Variants in EFR3A observed in about 807,000 individuals in gnomAD.
EFR3A encodes EFR3 homolog A.
In EFR3A, 76 loss-of-function variants were observed where a neutral mutation model predicts 104.4. That is an observed-to-expected ratio of 0.73 (90% CI 0.60 to 0.88). The LOEUF (loss-of-function observed/expected upper bound fraction) is 0.88. EFR3A is among the 40% of genes least tolerant of loss of function. EFR3A has a pLI of 0.00. For missense variants in EFR3A, 985 were observed against 1,012.5 expected (o/e 0.97, Z 0.37); for synonymous variants, 330 against 330.0 (o/e 1.00, Z 0.00).
At chr8:131,935,298 G>A (rs2130523904) in intron 1 of EFR3A, among the ~76,000 whole-genome samples, 1 of 152,248 alleles carries the variant, frequency 6.6e-6, no homozygotes, top group African/African-American at 2.4e-5. Flanking sequence ...TTAGGAAAAA[G>A]CATTTTTATA....
chr8:131,987,456 G>GT (rs1266647883), intron 17 of EFR3A, 119 bp from the exon 18 acceptor site: 1 of 1,162,138 alleles, frequency 8.6e-7, no homozygotes, highest in Non-Finnish European at 1.2e-6. Flanking sequence ...TGCTACTACA[G>GT]TTTACATTGT....
chr8:131,967,887 T>C (rs1819834622), intron 8 of EFR3A, among the ~76,000 whole-genome samples: 2 of 127,200 alleles, frequency 1.6e-5, no homozygotes. Flanking sequence ...TGTCATAATT[T>C]ATGTTTTTTA....
At chr8:131,965,452 A>G (rs1423567872) in intron 8 of EFR3A, among the ~76,000 whole-genome samples, 1 of 152,268 alleles carries the variant, frequency 6.6e-6, no homozygotes, top group African/African-American at 2.4e-5. Context: ...CAAAAGACAC[A>G]TGAGATAATG....
At chr8:131,909,444 G>C (rs1335439561) in intron 1 of EFR3A, among the ~76,000 whole-genome samples, 2 of 152,130 alleles carry the variant, frequency 1.3e-5, no homozygotes, top group African/African-American at 2.4e-5. Flanking sequence ...CTACTTGGAG[G>C]CTGAGGCAGG....
At chr8:131,914,824 A>G (rs1422111124) in intron 1 of EFR3A, among the ~76,000 whole-genome samples, 3 of 151,940 alleles carry the variant, frequency 2.0e-5, no homozygotes, top group South Asian at 2.1e-4. Flanking sequence ...TCCACCCTCA[A>G]GTGGGCCCCA....
In EFR3A at chr8:131,979,316, C is replaced by A. The variant is rs903312124; in HGVS notation, c.1500-30C>A. ...TGATATTGTAAATAAGTGTGCTATT[C>A]ATTAAAAATGATATATTGATCGTCT... is the stretch of plus-strand genomic sequence containing the variant. On this transcript the variant is annotated intron_variant, in intron 13 of 22. Coordinates refer to ENST00000254624, the MANE Select transcript of EFR3A (RefSeq NM_015137.6). 2.1e-6 allele frequency: 3 copies of A among 1,422,356 alleles called. No homozygotes were observed. The Admixed American group carries it at 6.3e-5, about 30-fold the overall frequency. The allele number at this position is 1,422,356 out of a possible 1,614,324, so 88.1% of individuals were successfully genotyped here. A position where few individuals can be genotyped will look rare whatever the true frequency, so the allele number is the denominator to read the frequency against.
intron 1 of EFR3A, among the ~76,000 whole-genome samples, chr8:131,923,660 T>C (rs1042972540): frequency 6.6e-6 from 1 of 152,088 alleles, no homozygotes; most frequent in Non-Finnish European, 1.5e-5. Context: ...GTAGGCTTTC[T>C]TGTCACCTGA....
intron 1 of EFR3A, among the ~76,000 whole-genome samples, chr8:131,907,908 T>C (rs907340572): frequency 6.6e-6 from 1 of 152,010 alleles, no homozygotes; most frequent in Non-Finnish European, 1.5e-5. Flanking sequence ...AATTTTCTTT[T>C]TTGCAGTGAC....
intron 1 of EFR3A, among the ~76,000 whole-genome samples, chr8:131,928,116 C>T (rs532705716): frequency 6.6e-5 from 10 of 152,172 alleles, no homozygotes; most frequent in East Asian, 1.9e-4. Context: ...TGGCACTTTG[C>T]GTGTAGTTAA....
At chr8:131,961,784 A>G (rs1819351588) in intron 8 of EFR3A, among the ~76,000 whole-genome samples, 1 of 152,236 alleles carries the variant, frequency 6.6e-6, no homozygotes, top group Non-Finnish European at 1.5e-5. Flanking sequence ...GAAATGAAGG[A>G]AAAAATATTA....
chr8:131,999,069 C>T (rs1477312543), intron 19 of EFR3A, among the ~76,000 whole-genome samples: 3 of 151,934 alleles, frequency 2.0e-5, no homozygotes, highest in Admixed American at 1.3e-4. Flanking sequence ...ATGAGTAAAA[C>T]CTGAAATCAC....
At position 131,926,666 on chromosome 8, in the gene EFR3A, C is replaced by A. The variant is rs140002099; in HGVS notation, c.11-13833C>A. ...AAAGGATCTTGCTCTGTTGCTCAGG[C>A]TGGAGTGCAGTGGCATGATTGTAGC... On this transcript the variant is annotated intron_variant, in intron 1 of 22. Transcript: ENST00000254624. 3.7e-3 allele frequency among the ~76,000 whole-genome samples: 565 copies of A among 152,082 alleles called. 2 individuals are homozygous for A. The highest frequency in any genetic ancestry group is 0.014 in the South Asian group (66 of 4,810).
intron 8 of EFR3A, among the ~76,000 whole-genome samples, chr8:131,961,361 C>T (rs973124993): frequency 6.6e-6 from 1 of 152,108 alleles, no homozygotes; most frequent in Non-Finnish European, 1.5e-5. Context: ...CAGAGAAGTC[C>T]TTAAAGGACC....
intron 1 of EFR3A, among the ~76,000 whole-genome samples, chr8:131,934,044 A>T (rs1817747693): frequency 6.6e-6 from 1 of 152,204 alleles, no homozygotes. Flanking sequence ...GTATACGATT[A>T]TATGTGGAAA....
rs570744352 is a variant in EFR3A, at chr8:131,906,504, CAT to C, written c.10+2184_10+2185del. ...TCCGAGAGCAACCCTTGCTGTAAGT[CAT>C]AGAATTATTCTACTCTTGCTATTTT... On this transcript the variant is annotated intron_variant, in intron 1 of 22. Coordinates refer to ENST00000254624, the MANE Select transcript of EFR3A (RefSeq NM_015137.6). Among the ~76,000 whole-genome samples the C allele has an allele frequency of 2.4e-3, 360 of 152,258 alleles. 2 individuals carry two copies. Among genetic ancestry groups the C allele is most frequent in the African/African-American group, 8.3e-3 (346 of 41,536 alleles).
chr8:131,949,105 A>T (rs1250455433), intron 4 of EFR3A, among the ~76,000 whole-genome samples: 3 of 152,120 alleles, frequency 2.0e-5, no homozygotes, highest in Non-Finnish European at 4.4e-5. Flanking sequence ...AGAAAGAAAA[A>T]TACTAAATAA....
intron 14 of EFR3A, 151 bp from the exon 15 acceptor site, chr8:131,983,988 A>G (rs1468701904): frequency 1.9e-6 from 1 of 519,758 alleles, no homozygotes; most frequent in Admixed American, 4.3e-5. Flanking sequence ...TGATATTTAT[A>G]ATTGAAATTT....
intron 1 of EFR3A, among the ~76,000 whole-genome samples, chr8:131,911,221 A>G (rs1816496318): frequency 6.6e-6 from 1 of 152,212 alleles, no homozygotes; most frequent in East Asian, 1.9e-4. Context: ...ATCATTTGCC[A>G]AATATATGAT....
At chr8:131,940,431 C>T (rs1563645233) in intron 1 of EFR3A, 68 bp from the exon 2 acceptor site, 1 of 1,433,742 alleles carries the variant, frequency 7.0e-7, no homozygotes, top group Non-Finnish European at 9.4e-7. Flanking sequence ...TATTCAGAAA[C>T]TTGAATTTCC....
Sources: allele counts gnomAD v4.1 joint callset (sites outside exome capture counted in the v4.1 genomes callset), GRCh38; gene constraint gnomAD v4.1.1; transcripts MANE v1.5; gene names NCBI Gene and HGNC (gene_info 2026-07-23, HGNC 2026-07-21).